Variants in OLAH observed in about 807,000 individuals in gnomAD.
OLAH encodes oleoyl-ACP hydrolase.
A neutral mutation model predicts 27.8 loss-of-function variants in OLAH; 33 were observed. That is an observed-to-expected ratio of 1.19 (90% CI 0.90 to 1.59). The LOEUF (loss-of-function observed/expected upper bound fraction) is 1.59, where lower values mean the gene tolerates loss of function less well. OLAH is among the 40% of genes most tolerant of loss of function. The pLI, the probability that OLAH is intolerant of heterozygous loss-of-function variation, is 0.00. For missense variants in OLAH, 359 were observed against 310.8 expected (o/e 1.16, Z -1.17); for synonymous variants, 120 against 102.9 (o/e 1.17, Z -1.01).
At chr10:15,036,691 T>C (rs543548487) in intron 1 of OLAH, among the ~76,000 whole-genome samples, 3 of 152,226 alleles carry the variant, frequency 2.0e-5, no homozygotes, top group South Asian at 4.1e-4. Flanking sequence ...GGCCTTGCTA[T>C]GTTGCCCAGG....
upstream of OLAH, among the ~76,000 whole-genome samples, chr10:15,039,099 A>G (rs1290611887): frequency 2.0e-5 from 3 of 151,728 alleles, no homozygotes; most frequent in Non-Finnish European, 2.9e-5. Context: ...GGTGGTGTGC[A>G]CCTCTAGTCC....
intron 1 of OLAH, among the ~76,000 whole-genome samples, chr10:15,045,098 A>G (rs1302718816): frequency 6.6e-6 from 1 of 152,202 alleles, no homozygotes; most frequent in East Asian, 1.9e-4. Flanking sequence ...GGAGAGAGTC[A>G]CTGTTATTCT....
intron 3 of OLAH, chr10:15,057,011 T>C (rs955744120): frequency 7.2e-6 from 10 of 1,385,644 alleles, no homozygotes; most frequent in South Asian, 1.7e-5. Flanking sequence ...AAATGTCTTC[T>C]AGTTTGTGCC....
At position 15,035,032 on chromosome 10, in the gene OLAH, C is replaced by T. The variant is rs111615887; in HGVS notation, c.-164+2682C>T. On this transcript the variant is annotated intron_variant, in intron 1 of 3. Transcript: ENST00000413672. ...GGCCAGGCTGGTCACGAACTCCTGA[C>T]GTCGTGATCCGCCCACCTCGGCCTC... is the stretch of plus-strand genomic sequence containing the variant. Among the ~76,000 whole-genome samples the T allele has an allele frequency of 8.0e-3, 1,215 of 152,118 alleles. 13 individuals are homozygous for T. Among genetic ancestry groups the T allele is most frequent in the African/African-American group, 0.028 (1,155 of 41,514 alleles).
chr10:15,054,288 G>T (rs1385597147), intron 3 of OLAH, among the ~76,000 whole-genome samples: 1 of 152,048 alleles, frequency 6.6e-6, no homozygotes, highest in Non-Finnish European at 1.5e-5. Flanking sequence ...TGATCCACCC[G>T]CCTTGGCCTC....
intron 1 of OLAH, among the ~76,000 whole-genome samples, chr10:15,035,801 C>T (rs997827796): frequency 2.0e-5 from 3 of 152,150 alleles, no homozygotes; most frequent in East Asian, 1.9e-4. Context: ...AAATGGTGTG[C>T]CATTTCCACC....
chr10:15,049,230 C>A (rs1844085568), intron 2 of OLAH, among the ~76,000 whole-genome samples: 1 of 148,740 alleles, frequency 6.7e-6, no homozygotes, highest in Non-Finnish European at 1.5e-5. Flanking sequence ...AACTCTTAGG[C>A]TCCAGAGATC....
At chr10:15,064,296 A>G (rs955763337) in intron 4 of OLAH, 107 bp from the exon 5 acceptor site, 1 of 661,922 alleles carries the variant, frequency 1.5e-6, no homozygotes. Context: ...CCTTTCATCT[A>G]TTACATGATC....
intron 1 of OLAH, among the ~76,000 whole-genome samples, chr10:15,032,620 C>CAAA (rs71390005): frequency 2.1e-5 from 2 of 95,646 alleles, no homozygotes; most frequent in Non-Finnish European, 4.0e-5. Flanking sequence ...GACTCAGTTT[C>CAAA]AAAAAAAAAA....
chr10:15,047,528 C>T (rs903747520), intron 2 of OLAH: 1 of 556,402 alleles, frequency 1.8e-6, no homozygotes, highest in South Asian at 2.0e-5. Context: ...AACCCTGTCT[C>T]TACTAAAAAT....
rs10717821 is a variant in OLAH at position 15,057,395 on chromosome 10, CTT to C, written c.164-4310_164-4309del. Among the ~76,000 whole-genome samples the C allele has an allele frequency of 2.5e-3, 235 of 93,188 alleles. 3 individuals are homozygous for C. Among genetic ancestry groups the C allele is most frequent in the South Asian group, 7.1e-3 (18 of 2,546 alleles). The allele number at this position is 93,188 out of a possible 152,430, so 61.1% of individuals were successfully genotyped here. On this transcript the variant is annotated intron_variant, in intron 3 of 7. Transcript: ENST00000378228. ...ACATGTATGTGGGTCTATTTCTGGGCTTTTTTTTTTTTTTTTTTTTGAGATGG... is the reference window on the plus strand; with the variant it reads ...ACATGTATGTGGGTCTATTTCTGGGCTTTTTTTTTTTTTTTTTTGAGATGG...
At chr10:15,037,453 C>T (rs771203613) in intron 1 of OLAH, among the ~76,000 whole-genome samples, 9 of 151,746 alleles carry the variant, frequency 5.9e-5, no homozygotes, top group Non-Finnish European at 8.8e-5. Flanking sequence ...TGGTGGCGAG[C>T]GCCTGTAATC....
rs1844594129 is a variant in OLAH, at chr10:15,071,861, A to C, written c.639A>C (p.Ile213=). 6.2e-7 allele frequency: 1 copy of C among 1,611,026 alleles called. No homozygotes were observed. The highest frequency in any genetic ancestry group is 8.5e-7 in the Non-Finnish European group (1 of 1,177,258). ...DLTCFVGSED[I]AKDMEAWKDV... is the part of the protein sequence containing the mutation. ...CATGTTTTGTTGGATCTGAAGACATAGCAAAGGACATGGAAGGTGAAATTA... is the reference window on the plus strand; with the variant it reads ...CATGTTTTGTTGGATCTGAAGACATCGCAAAGGACATGGAAGGTGAAATTA... Residue 213 remains isoleucine, a synonymous_variant, in exon 7 of 8, where the codon ATA becomes ATC. Coordinates refer to ENST00000378228, the MANE Select transcript of OLAH (RefSeq NM_001039702.3).
rs542581359 is a variant in OLAH, at chr10:15,050,913, A to C, written c.163+1148A>C. On this transcript the variant is annotated intron_variant, in intron 3 of 7. Coordinates refer to ENST00000378228, the MANE Select transcript of OLAH (RefSeq NM_001039702.3). ...AATAATAATATTTAAAGTCAAAAAT[A>C]AAAGTATTAACTATTCTGTATGTCT... Among the ~76,000 whole-genome samples, 5 of 152,164 alleles carry C rather than the reference A, an allele frequency of 3.3e-5. No individual in the cohort carries two copies. The South Asian group carries it at 1.0e-3, about 32-fold the overall frequency.
At chr10:15,035,285 T>C (rs1348831092) in intron 1 of OLAH, among the ~76,000 whole-genome samples, 6 of 152,166 alleles carry the variant, frequency 3.9e-5, no homozygotes, top group Non-Finnish European at 8.8e-5. Flanking sequence ...AGCACTGTAT[T>C]CGGCTGTTCT....
chr10:15,048,304 C>A (rs191335400), intron 2 of OLAH, among the ~76,000 whole-genome samples: 15 of 152,142 alleles, frequency 9.9e-5, no homozygotes, highest in East Asian at 7.7e-4. Context: ...TGCAACCCCC[C>A]CCTCCTGGGT....
In OLAH at chr10:15,073,398, G is replaced by C. The variant is rs141322592; in HGVS notation, c.*169G>C. 7.4e-4 allele frequency: 413 copies of C among 556,114 alleles called. 5 individuals are homozygous for C. The East Asian group carries it at 0.014, about 18-fold the overall frequency. The allele number at this position is 556,114 out of a possible 1,614,324, so 34.4% of individuals were successfully genotyped here. On this transcript the variant is annotated 3_prime_UTR_variant, in exon 8 of 8. Coordinates refer to ENST00000378228, the MANE Select transcript of OLAH (RefSeq NM_001039702.3). ...TGGGGACAAAGGTCAAGCCAGTAAA[G>C]AATACTTCTGGCAGCACTTTGGGAG...
intron 3 of OLAH, chr10:15,056,906 T>TGGCGTGAGCCACCGTA (rs758360448): frequency 1.3e-6 from 2 of 1,536,200 alleles, no homozygotes; most frequent in African/African-American, 1.4e-5. Context: ...ACCCATGTGC[T>TGGCGTGAGCCACCGTA]GGCGTGAGCC....
At chr10:15,035,699 A>AT (rs1159923960) in intron 1 of OLAH, among the ~76,000 whole-genome samples, 3 of 151,984 alleles carry the variant, frequency 2.0e-5, no homozygotes, top group Non-Finnish European at 2.9e-5. Flanking sequence ...AGTCAAAAGC[A>AT]TTTTACGCTA....
Sources: gnomAD v4.1 joint callset for allele counts (sites outside exome capture counted in the v4.1 genomes callset) on GRCh38, gnomAD v4.1.1 for gene constraint, MANE v1.5 for transcripts, NCBI Gene and HGNC (gene_info 2026-07-23, HGNC 2026-07-21) for gene names.